ANKRD36C: variants seen among roughly 807,000 people sequenced by gnomAD.
ANKRD36C encodes the protein ankyrin repeat domain 36C, also known as ankyrin repeat domain-containing protein 36C.
In ANKRD36C, 61 loss-of-function variants were observed where a neutral mutation model predicts 276.4. The ratio of observed to expected loss-of-function variants is 0.22; its 90% CI spans 0.18 to 0.27. The LOEUF (loss-of-function observed/expected upper bound fraction) is 0.27, where lower values mean the gene tolerates loss of function less well. ANKRD36C is among the 10% of genes least tolerant of loss of function. The pLI is 1.00. For synonymous variants in ANKRD36C, 483 were observed against 680.1 expected (o/e 0.71, Z 4.51); for missense variants, 1,447 against 2,032.3 (o/e 0.71, Z 5.54).
intron 55 of ANKRD36C, 43 bp downstream of exon 75, chr2:95,882,426 C>T (rs1185571635): frequency 1.3e-6 from 2 of 1,546,610 alleles, no homozygotes; most frequent in Admixed American, 2.0e-5. Flanking sequence ...ATTTCATAGG[C>T]TATGCAATAA....
rs199561638 is a variant in ANKRD36C, at chr2:95,902,946, C to T, written c.2654-3610G>A. 1.8e-3 allele frequency: 2,823 copies of T among 1,589,930 alleles called. 76 individuals carry two copies. The highest frequency in any genetic ancestry group is 2.8e-3 in the Middle Eastern group (12 of 4,348). On this transcript the variant is annotated intron_variant, in intron 42 of 66. Transcript: ENST00000456556. ...GCTATATTCAAAAGAGAATCTTTCTCGTCTCTTGTAGCCTGAATGGAATTT... is the reference window on the plus strand; with the variant it reads ...GCTATATTCAAAAGAGAATCTTTCTTGTCTCTTGTAGCCTGAATGGAATTT...
intron 48 of ANKRD36C, among the ~76,000 whole-genome samples, 169 bp downstream of exon 68, chr2:95,889,630 C>T (rs1228585373): frequency 2.6e-5 from 4 of 151,430 alleles, no homozygotes; most frequent in Admixed American, 6.6e-5. Context: ...TTCATCATGG[C>T]CAAGGACCAC....
chr2:95,985,583 T>C (rs1285677509), intron 3 of ANKRD36C, among the ~76,000 whole-genome samples: 1 of 152,214 alleles, frequency 6.6e-6, no homozygotes, highest in African/African-American at 2.4e-5. Flanking sequence ...AGATTTACTA[T>C]ATTAAAATCT....
chr2:95,900,851 CA>C (rs2104376171), intron 42 of ANKRD36C, among the ~76,000 whole-genome samples, 163 bp downstream of exon 56: 1 of 120,816 alleles, frequency 8.3e-6, no homozygotes, highest in African/African-American at 2.7e-5. Context: ...GATCATGTTC[CA>C]GACCAGCAGC....
At chr2:95,885,973 C>G (rs1676191874) in intron 52 of ANKRD36C, 75 bp downstream of exon 72, 8 of 1,560,834 alleles carry the variant, frequency 5.1e-6, no homozygotes, top group Non-Finnish European at 7.0e-6. Flanking sequence ...AATGAACCCC[C>G]CGCTGATTTA....
intron 28 of ANKRD36C, among the ~76,000 whole-genome samples, chr2:95,926,495 T>C (rs1677406816): frequency 1.3e-5 from 2 of 151,616 alleles, no homozygotes; most frequent in South Asian, 4.1e-4. Context: ...AAAGCCAATA[T>C]ATGCATATTC....
At chr2:95,990,803 T>C (rs2260906) in intron 1 of ANKRD36C, among the ~76,000 whole-genome samples, 1 of 152,300 alleles carries the variant, frequency 6.6e-6, no homozygotes, top group African/African-American at 2.4e-5. Flanking sequence ...GAATTTTTAG[T>C]CAGGAAGTTG....
intron 46 of ANKRD36C, 98 bp from the exon 67 acceptor site, chr2:95,890,092 T>C (rs1676303397): frequency 2.1e-6 from 3 of 1,457,288 alleles, no homozygotes; most frequent in South Asian, 1.2e-5. Flanking sequence ...TCCTCCTGCC[T>C]GTATTAGTGT....
At chr2:95,858,402 G>A (rs77985775) in intron 61 of ANKRD36C, among the ~76,000 whole-genome samples, 2 of 152,076 alleles carry the variant, frequency 1.3e-5, no homozygotes, top group Non-Finnish European at 2.9e-5. Flanking sequence ...CATCCAAAGG[G>A]CATGTATAAG....
intron 42 of ANKRD36C, 73 bp downstream of exon 54, chr2:95,902,813 C>G (rs1403861453): frequency 7.5e-6 from 11 of 1,464,822 alleles, no homozygotes; most frequent in Non-Finnish European, 1.0e-5. Flanking sequence ...GAGCCCCCCG[C>G]TGATTTATTC....
chr2:95,910,590 T>C (rs763940649), intron 42 of ANKRD36C, 22 bp from the exon 45 acceptor site: 12 of 1,604,522 alleles, frequency 7.5e-6, no homozygotes, highest in Non-Finnish European at 1.0e-5. Context: ...AAGGGATTCA[T>C]AATCACTCAT....
chr2:95,935,072 T>G (rs887513446), intron 24 of ANKRD36C, among the ~76,000 whole-genome samples: 1 of 152,300 alleles, frequency 6.6e-6, no homozygotes, highest in African/African-American at 2.4e-5. Context: ...AAGATGAAGT[T>G]CTAACACAAT....
At chr2:95,946,373 A>C (rs1400518623) in intron 17 of ANKRD36C, among the ~76,000 whole-genome samples, 1 of 145,492 alleles carries the variant, frequency 6.9e-6, no homozygotes, top group Middle Eastern at 3.5e-3. Flanking sequence ...ATCTCACACC[A>C]GTTAGAATGG....
intron 17 of ANKRD36C, among the ~76,000 whole-genome samples, chr2:95,947,305 G>A (rs1678080274): frequency 6.6e-6 from 1 of 151,216 alleles, no homozygotes; most frequent in Non-Finnish European, 1.5e-5. Context: ...GATAAATTCA[G>A]AACATTCAAG....
exon 63 of ANKRD36C, chr2:95,855,638 C>T (rs765713920): frequency 7.4e-6 from 12 of 1,611,190 alleles, no homozygotes; most frequent in Admixed American, 1.7e-5. Flanking sequence ...AAACCAAAGC[C>T]TTTTCTTTCA....
intron 28 of ANKRD36C, among the ~76,000 whole-genome samples, chr2:95,925,880 G>T (rs528633257): frequency 6.6e-6 from 1 of 151,564 alleles, no homozygotes; most frequent in Non-Finnish European, 1.5e-5. Flanking sequence ...ATACACCCAG[G>T]AATCAATATC....
chr2:95,967,018 A>T, intron 6 of ANKRD36C, among the ~76,000 whole-genome samples: 1 of 152,172 alleles, frequency 6.6e-6, no homozygotes, highest in African/African-American at 2.4e-5. Context: ...TCCTGAGACT[A>T]TGAGGAAGTT....
intron 37 of ANKRD36C, 31 bp from the exon 40 acceptor site, chr2:95,916,083 A>G (rs1677086540): frequency 6.2e-7 from 1 of 1,601,040 alleles, no homozygotes; most frequent in African/African-American, 1.3e-5. Flanking sequence ...AATAATAAAT[A>G]AGGTATGTTT....
chr2:95,976,693 T>C (rs1488640568), intron 6 of ANKRD36C, among the ~76,000 whole-genome samples: 3 of 152,254 alleles, frequency 2.0e-5, no homozygotes, highest in African/African-American at 7.2e-5. Flanking sequence ...TGTTCCTCCA[T>C]ATTTGGACAA....
Sources: allele counts gnomAD v4.1 joint callset (sites outside exome capture counted in the v4.1 genomes callset), GRCh38; gene constraint gnomAD v4.1.1; transcripts MANE v1.5; gene names NCBI Gene and HGNC (gene_info 2026-07-23, HGNC 2026-07-21).